SOX5: variants seen among roughly 807,000 people sequenced by gnomAD.
The protein encoded by SOX5 is SRY-box transcription factor 5.
SOX5 carries 9 observed loss-of-function variants against 92.0 expected under a neutral mutation model. That is an observed-to-expected ratio of 0.10 (90% CI 0.06 to 0.17). The LOEUF (loss-of-function observed/expected upper bound fraction) is 0.17. Among genes scored for constraint, SOX5 ranks in the 10% least tolerant of loss-of-function variants. The probability of loss-of-function intolerance (pLI) is 1.00; values close to 1 mark genes in which losing one functional copy is unlikely to be tolerated. For missense variants in SOX5, 642 were observed against 944.5 expected, an observed-to-expected ratio of 0.68 and a Z score of 4.20; for synonymous variants, 344 against 336.3, an observed-to-expected ratio of 1.02 and a Z score of -0.25.
At chr12:24,156,528 T>C (rs1444612839) in intron 4 of SOX5, among the ~76,000 whole-genome samples, 1 of 152,144 alleles carries the variant, frequency 6.6e-6, no homozygotes, top group African/African-American at 2.4e-5. Flanking sequence ...CTGATATCAG[T>C]TTCCAGAACT....
At chr12:24,199,345 C>T (rs1340423707) in intron 4 of SOX5, among the ~76,000 whole-genome samples, 2 of 152,302 alleles carry the variant, frequency 1.3e-5, no homozygotes, top group Non-Finnish European at 2.9e-5. Flanking sequence ...ACCAAAATGT[C>T]GCAGTAATTA....
chr12:23,578,129 A>AAAAAC (rs1949491713), intron 9 of SOX5, among the ~76,000 whole-genome samples: 3 of 106,562 alleles, frequency 2.8e-5, no homozygotes, highest in South Asian at 3.0e-4. Flanking sequence ...AAAAAAAAAA[A>AAAAAC]AAAAAAAAAA....
chr12:24,100,987 A>C (rs1472677176), intron 4 of SOX5, among the ~76,000 whole-genome samples: 2 of 152,074 alleles, frequency 1.3e-5, no homozygotes, highest in Non-Finnish European at 2.9e-5. Context: ...TCCACAATTT[A>C]TCAATTCTAT....
At chr12:24,283,447 T>C (rs1680449508) in intron 2 of SOX5, among the ~76,000 whole-genome samples, 1 of 152,222 alleles carries the variant, frequency 6.6e-6, no homozygotes, top group Non-Finnish European at 1.5e-5. Flanking sequence ...ATACGGTGCC[T>C]TTGTCTGAGT....
intron 4 of SOX5, among the ~76,000 whole-genome samples, chr12:24,209,460 C>A (rs1361930654): frequency 2.0e-5 from 3 of 152,052 alleles, no homozygotes; most frequent in Non-Finnish European, 4.4e-5. Context: ...ATTAAATATT[C>A]ATAAGCAGGT....
At position 24,558,375 on chromosome 12, in the gene SOX5, A is replaced by C. The variant is rs562954934; in HGVS notation, c.-251+3954T>G. Among the ~76,000 whole-genome samples the C allele has an allele frequency of 2.5e-3, 375 of 152,278 alleles. 13 individuals are homozygous for C. The highest frequency in any genetic ancestry group is 6.8e-3 in the Middle Eastern group (2 of 294). On this transcript the variant is annotated intron_variant, in intron 1 of 4. Transcript: ENST00000446891. ...TTTGGAGGAAACAACCCCCCGCGAA[A>C]TTCCGCTAACTCATAGTTAGCCTAC...
intron 1 of SOX5, among the ~76,000 whole-genome samples, chr12:24,438,210 C>T (rs543570604): frequency 1.3e-5 from 2 of 152,134 alleles, no homozygotes; most frequent in South Asian, 4.1e-4. Context: ...CATGTTCTCA[C>T]TCATAAGTGG....
intron 1 of SOX5, 74 bp from the exon 2 acceptor site, chr12:23,896,098 G>A (rs2097175015): frequency 9.5e-7 from 1 of 1,051,344 alleles, no homozygotes; most frequent in Non-Finnish European, 1.4e-6. Context: ...TGTGGTTAGG[G>A]GCCATTGTAA....
intron 11 of SOX5, among the ~76,000 whole-genome samples, chr12:23,554,536 T>C (rs1392477837): frequency 6.6e-6 from 1 of 152,174 alleles, no homozygotes; most frequent in Non-Finnish European, 1.5e-5. Context: ...TCCTCTATTC[T>C]TCTCAAATCT....
chr12:24,354,562 T>A (rs569066162), intron 2 of SOX5, among the ~76,000 whole-genome samples: 1 of 152,314 alleles, frequency 6.6e-6, no homozygotes, highest in South Asian at 2.1e-4. Flanking sequence ...GAAAGACTCT[T>A]GACTGGGAGG....
At chr12:24,383,636 T>C (rs1958056214) in intron 1 of SOX5, among the ~76,000 whole-genome samples, 1 of 152,220 alleles carries the variant, frequency 6.6e-6, no homozygotes, top group Non-Finnish European at 1.5e-5. Context: ...TAGTAGCAGC[T>C]TGGTTATCAG....
At chr12:23,709,124 T>C (rs943528292) in intron 6 of SOX5, among the ~76,000 whole-genome samples, 1 of 152,066 alleles carries the variant, frequency 6.6e-6, no homozygotes, top group Non-Finnish European at 1.5e-5. Flanking sequence ...TATTTTGAGA[T>C]AGGGTCTTGC....
intron 1 of SOX5, among the ~76,000 whole-genome samples, chr12:24,502,428 C>T (rs1948304338): frequency 6.6e-6 from 1 of 152,076 alleles, no homozygotes; most frequent in South Asian, 2.1e-4. Context: ...AACCATAACA[C>T]AAAACTAAAT....
At chr12:23,870,209 T>C (rs1007981650) in intron 2 of SOX5, among the ~76,000 whole-genome samples, 3 of 151,850 alleles carry the variant, frequency 2.0e-5, no homozygotes, top group Admixed American at 6.6e-5. Context: ...GGGAAGGTAA[T>C]TGAAAATAAA....
chr12:23,857,847 C>T (rs1019934457), intron 2 of SOX5, among the ~76,000 whole-genome samples: 1 of 152,024 alleles, frequency 6.6e-6, no homozygotes, highest in Non-Finnish European at 1.5e-5. Context: ...ATTCTCCTGC[C>T]TCAGCCTCCT....
At chr12:24,060,957 C>A (rs1159945449) in intron 4 of SOX5, among the ~76,000 whole-genome samples, 1 of 152,106 alleles carries the variant, frequency 6.6e-6, no homozygotes, top group Non-Finnish European at 1.5e-5. Context: ...GAAACAAAAA[C>A]ACCCCCTTCC....
rs1202694992 is a variant in SOX5 at position 23,533,524 on chromosome 12, G to A, written c.*695C>T. ...TGGCACTTGCTCAAAGATGTAGTGT[G>A]GTGTGCAATAGATAAAGTCCTCTAA... is the stretch of plus-strand genomic sequence containing the variant. On this transcript the variant is annotated 3_prime_UTR_variant, in exon 15 of 15. Transcript: ENST00000451604. 1 of 172,288 alleles carries A rather than the reference G, an allele frequency of 5.8e-6. No homozygotes were observed. Among genetic ancestry groups the A allele is most frequent in the Non-Finnish European group, 1.3e-5 (1 of 79,634 alleles). 10.7% of individuals were successfully genotyped at this position (172,288 alleles called of 1,614,324 possible). A position where few individuals can be genotyped will look rare whatever the true frequency, so the allele number is the denominator to read the frequency against.
chr12:23,995,532 C>CA (rs941213771), intron 4 of SOX5, among the ~76,000 whole-genome samples: 5 of 151,880 alleles, frequency 3.3e-5, no homozygotes, highest in Non-Finnish European at 7.4e-5. Flanking sequence ...TCTGTGTCTA[C>CA]AAAAAAACTT....
chr12:24,022,570 C>G (rs1342275084), intron 4 of SOX5, among the ~76,000 whole-genome samples: 2 of 152,100 alleles, frequency 1.3e-5, no homozygotes, highest in African/African-American at 4.8e-5. Flanking sequence ...ATCTCTAGTA[C>G]TTGAAAACAG....
Sources: gnomAD v4.1 joint callset for allele counts (sites outside exome capture counted in the v4.1 genomes callset) on GRCh38, gnomAD v4.1.1 for gene constraint, MANE v1.5 for transcripts, NCBI Gene and HGNC (gene_info 2026-07-23, HGNC 2026-07-21) for gene names.